Variants in GXYLT2 observed in about 807,000 individuals in gnomAD.
The protein encoded by GXYLT2 is glycosyltransferase 8 domain containing 4.
In GXYLT2, 53 loss-of-function variants were observed where a neutral mutation model predicts 45.8. That is an observed-to-expected ratio of 1.16 (90% confidence interval 0.93 to 1.46). GXYLT2 has a LOEUF of 1.46. Ranked by LOEUF, GXYLT2 falls within the 40% of genes most tolerant of loss-of-function variation. The pLI is 0.00. For synonymous variants in GXYLT2, 219 were observed against 214.2 expected, an observed-to-expected ratio of 1.02 and a Z score of -0.19; for missense variants, 551 against 544.4, an observed-to-expected ratio of 1.01 and a Z score of -0.12.
chr3:72,899,872 T>C (rs1709368669), intron 1 of GXYLT2, among the ~76,000 whole-genome samples: 1 of 152,230 alleles, frequency 6.6e-6, no homozygotes, highest in Admixed American at 6.5e-5. Context: ...ATTCATCTTC[T>C]ACCATTTTTC....
At chr3:72,937,386 T>G (rs973970683) in intron 3 of GXYLT2, among the ~76,000 whole-genome samples, 2 of 152,228 alleles carry the variant, frequency 1.3e-5, no homozygotes, top group African/African-American at 4.8e-5. Flanking sequence ...TTAAAATATG[T>G]CTTCAGGACA....
At chr3:72,897,321 C>A (rs1253498144) in intron 1 of GXYLT2, among the ~76,000 whole-genome samples, 1 of 152,212 alleles carries the variant, frequency 6.6e-6, no homozygotes, top group Admixed American at 6.5e-5. Context: ...GCTCTGCTTC[C>A]TTCTGTGTGG....
intron 3 of GXYLT2, among the ~76,000 whole-genome samples, chr3:72,941,975 C>T (rs1710310221): frequency 6.6e-6 from 1 of 152,076 alleles, no homozygotes; most frequent in Non-Finnish European, 1.5e-5. Context: ...ACCCAGGGCT[C>T]CTGGGAGAAC....
At position 72,888,289 on chromosome 3, in the gene GXYLT2, TGCTGGCGCTGCTGTCCCTGCGC is replaced by T. The variant is rs989442622; in HGVS notation, c.63_84del (p.Leu22AlafsTer121). 3 of 993,284 alleles carry T rather than the reference TGCTGGCGCTGCTGTCCCTGCGC, an allele frequency of 3.0e-6. No individual in the cohort carries two copies. Among genetic ancestry groups the T allele is most frequent in the African/African-American group, 3.5e-5 (2 of 56,734 alleles). The allele number at this position is 993,284 out of a possible 1,614,324, so 61.5% of individuals were successfully genotyped here. On this transcript the variant is annotated frameshift_variant, in exon 1 of 7. Transcript: ENST00000389617. LOFTEE classifies it high-confidence loss of function. ...CTCTTGCTCGCGCTGGCCGCGCTGCTGCTGGCGCTGCTGTCCCTGCGCGCTGGCCGCGCTGAGCCCCCAGCGC... is the reference window on the plus strand; with the variant it reads ...CTCTTGCTCGCGCTGGCCGCGCTGCTGCTGGCCGCGCTGAGCCCCCAGCGC...
rs572623403 is a variant in GXYLT2 at position 72,918,511 on chromosome 3, C to A, written c.469-3693C>A. Among the ~76,000 whole-genome samples, 240 of 152,082 alleles carry A rather than the reference C, an allele frequency of 1.6e-3. 2 individuals carry two copies. The highest frequency in any genetic ancestry group is 6.4e-3 in the Admixed American group (97 of 15,246). On this transcript the variant is annotated intron_variant, in intron 2 of 6. Coordinates refer to ENST00000389617, the MANE Select transcript of GXYLT2 (RefSeq NM_001080393.2). ...ATAATTCTTAGAATTGTTGTAGCAA[C>A]GGGAAGGCATTAACTCAAAAAAATT...
intron 3 of GXYLT2, among the ~76,000 whole-genome samples, chr3:72,935,796 A>G (rs997589550): frequency 1.3e-5 from 2 of 152,198 alleles, no homozygotes; most frequent in African/African-American, 2.4e-5. Context: ...AGACATTTTC[A>G]GATGTGCACC....
chr3:72,917,458 T>C (rs1277099036), intron 2 of GXYLT2, among the ~76,000 whole-genome samples: 5 of 152,186 alleles, frequency 3.3e-5, no homozygotes, highest in African/African-American at 9.7e-5. Flanking sequence ...AATTGGTCAG[T>C]ACCCTTCATA....
At chr3:72,913,035 GT>G (rs554995110) in intron 2 of GXYLT2, among the ~76,000 whole-genome samples, 27 of 134,808 alleles carry the variant, frequency 2.0e-4, no homozygotes, top group East Asian at 6.3e-4. Flanking sequence ...TTTTTTTTTT[GT>G]TTTTTTTTTT....
At chr3:72,963,562 G>C (rs1472883714) in intron 5 of GXYLT2, among the ~76,000 whole-genome samples, 1 of 150,798 alleles carries the variant, frequency 6.6e-6, no homozygotes, top group African/African-American at 2.4e-5. Flanking sequence ...GAGTGCAGTG[G>C]CACAATCTTG....
At chr3:72,901,554 C>CTTTTTTTTTT (rs71124002) in intron 1 of GXYLT2, among the ~76,000 whole-genome samples, 1 of 77,170 alleles carries the variant, frequency 1.3e-5, no homozygotes, top group Non-Finnish European at 2.3e-5. Flanking sequence ...AACATTTTCG[C>CTTTTTTTTTT]TTTTTTTTTT....
At chr3:72,954,225 A>G (rs1710580624) in intron 3 of GXYLT2, among the ~76,000 whole-genome samples, 1 of 152,026 alleles carries the variant, frequency 6.6e-6, no homozygotes, top group Non-Finnish European at 1.5e-5. Flanking sequence ...CTTCTGCCTC[A>G]GCCTCCTGAG....
chr3:72,967,168 G>A (rs1441986574), intron 5 of GXYLT2, among the ~76,000 whole-genome samples: 1 of 152,210 alleles, frequency 6.6e-6, no homozygotes, highest in Non-Finnish European at 1.5e-5. Flanking sequence ...TAAGATAGAG[G>A]TTGTATTATT....
intron 3 of GXYLT2, among the ~76,000 whole-genome samples, chr3:72,946,703 C>G (rs536892559): frequency 6.6e-6 from 1 of 152,308 alleles, no homozygotes. Context: ...TTTTAGGACT[C>G]TACCTCTTAA....
chr3:72,968,330 A>T (rs1710908840), intron 6 of GXYLT2, among the ~76,000 whole-genome samples: 1 of 152,212 alleles, frequency 6.6e-6, no homozygotes, highest in Non-Finnish European at 1.5e-5. Flanking sequence ...GTAAGGTAAC[A>T]CATAGGATCA....
At chr3:72,961,256 A>G (rs1413471317) in intron 5 of GXYLT2, among the ~76,000 whole-genome samples, 1 of 152,158 alleles carries the variant, frequency 6.6e-6, no homozygotes, top group Admixed American at 6.6e-5. Flanking sequence ...GAAGGGATAA[A>G]TCTGACAGGA....
At chr3:72,934,495 G>A (rs2107117568) in intron 3 of GXYLT2, among the ~76,000 whole-genome samples, 1 of 152,290 alleles carries the variant, frequency 6.6e-6, no homozygotes, top group East Asian at 1.9e-4. Context: ...GAAAAACGCA[G>A]AAGCAAATGA....
intron 3 of GXYLT2, among the ~76,000 whole-genome samples, chr3:72,927,662 T>C (rs1229300550): frequency 6.6e-6 from 1 of 152,170 alleles, no homozygotes; most frequent in Non-Finnish European, 1.5e-5. Flanking sequence ...TAGGAATATA[T>C]TAAAAATCCT....
chr3:72,974,221 A>G (rs1017280291), intron 6 of GXYLT2, among the ~76,000 whole-genome samples: 6 of 152,190 alleles, frequency 3.9e-5, no homozygotes, highest in Non-Finnish European at 7.3e-5. Context: ...TTTGGGTTAT[A>G]CTGCTCATAG....
intron 3 of GXYLT2, among the ~76,000 whole-genome samples, chr3:72,953,465 T>A (rs1254314928): frequency 6.6e-6 from 1 of 152,078 alleles, no homozygotes; most frequent in Non-Finnish European, 1.5e-5. Flanking sequence ...AATTTTTCTA[T>A]TTTTTGATAA....
Sources: gnomAD v4.1 joint callset for allele counts (sites outside exome capture counted in the v4.1 genomes callset) on GRCh38, gnomAD v4.1.1 for gene constraint, MANE v1.5 for transcripts, NCBI Gene and HGNC (gene_info 2026-07-23, HGNC 2026-07-21) for gene names.